The following AGPS variants were observed in gnomAD, a reference collection of about 807,000 sequenced individuals.
AGPS encodes the protein alkylglycerone phosphate synthase, also known as alkyldihydroxyacetonephosphate synthase, peroxisomal.
A neutral mutation model predicts 90.7 loss-of-function variants in AGPS; 26 were observed. That is an observed-to-expected ratio of 0.29 (90% CI 0.21 to 0.40). The LOEUF (loss-of-function observed/expected upper bound fraction) is 0.40. Among genes scored for constraint, AGPS ranks in the 10% least tolerant of loss-of-function variants. AGPS has a pLI of 1.00. For missense variants in AGPS, 540 were observed against 816.1 expected (o/e 0.66, Z 4.12); for synonymous variants, 294 against 285.3 (o/e 1.03, Z -0.31).
chr2:177,430,573 C>G (rs1686212905), intron 2 of AGPS, among the ~76,000 whole-genome samples: 1 of 152,066 alleles, frequency 6.6e-6, no homozygotes, highest in Non-Finnish European at 1.5e-5. Context: ...TGCACAATCT[C>G]TCACTGCTCT....
At chr2:177,417,901 A>G (rs1574351494) in intron 1 of AGPS, among the ~76,000 whole-genome samples, 1 of 152,334 alleles carries the variant, frequency 6.6e-6, no homozygotes, top group Middle Eastern at 3.4e-3. Flanking sequence ...ATGGGGTTAG[A>G]ATATGTGTAC....
At chr2:177,504,906 C>G (rs954347457) in intron 14 of AGPS, among the ~76,000 whole-genome samples, 8 of 152,010 alleles carry the variant, frequency 5.3e-5, no homozygotes, top group African/African-American at 1.9e-4. Context: ...TTAATTCTAA[C>G]TAGATCATCA....
chr2:177,422,489 T>C (rs1410824910), intron 2 of AGPS, among the ~76,000 whole-genome samples: 1 of 152,054 alleles, frequency 6.6e-6, no homozygotes, highest in Non-Finnish European at 1.5e-5. Flanking sequence ...TAAGTCAGAG[T>C]CCAGTGGGGG....
At chr2:177,430,472 C>G (rs1453828666) in intron 2 of AGPS, among the ~76,000 whole-genome samples, 1 of 152,128 alleles carries the variant, frequency 6.6e-6, no homozygotes, top group Non-Finnish European at 1.5e-5. Context: ...GTATTGAACC[C>G]AAGGCCCTGG....
chr2:177,520,348 C>A (rs1689141905), intron 17 of AGPS, among the ~76,000 whole-genome samples: 2 of 152,196 alleles, frequency 1.3e-5, no homozygotes, highest in Non-Finnish European at 2.9e-5. Flanking sequence ...CATTCTCTAT[C>A]AATATGGATT....
At chr2:177,483,728 GA>G (rs1688013827) in intron 11 of AGPS, among the ~76,000 whole-genome samples, 1 of 152,086 alleles carries the variant, frequency 6.6e-6, no homozygotes, top group South Asian at 2.1e-4. Context: ...CTAAAATGAC[GA>G]GGTGGCAATA....
At chr2:177,494,267 C>T (rs993351625) in intron 12 of AGPS, among the ~76,000 whole-genome samples, 11 of 152,056 alleles carry the variant, frequency 7.2e-5, no homozygotes, top group Non-Finnish European at 1.0e-4. Flanking sequence ...AAGTCAGGTT[C>T]GTAACATATT....
chr2:177,484,418 G>A (rs1316186513), intron 11 of AGPS, among the ~76,000 whole-genome samples: 4 of 150,072 alleles, frequency 2.7e-5, no homozygotes, highest in East Asian at 2.0e-4. Context: ...ATCTCGATGC[G>A]CTGCAACCTC....
chr2:177,439,317 G>A (rs987597966), intron 5 of AGPS, among the ~76,000 whole-genome samples: 12 of 152,130 alleles, frequency 7.9e-5, no homozygotes, highest in Non-Finnish European at 8.8e-5. Flanking sequence ...GTGCTGTAAA[G>A]AAAAGAAAAG....
chr2:177,482,289 C>A, intron 11 of AGPS, 103 bp downstream of exon 11: 1 of 629,812 alleles, frequency 1.6e-6, no homozygotes, highest in Non-Finnish European at 2.5e-6. Context: ...TACAACTAAT[C>A]TTCATTTTTA....
intron 1 of AGPS, among the ~76,000 whole-genome samples, chr2:177,396,075 A>G (rs951999487): frequency 3.1e-4 from 29 of 92,176 alleles, no homozygotes; most frequent in African/African-American, 1.2e-3. Context: ...GACTTACTCT[A>G]TATGGGGGTG....
In AGPS at chr2:177,540,355, T is replaced by G. The variant is rs1190573706; in HGVS notation, c.*2160T>G. 1 of 152,054 alleles carries G rather than the reference T, an allele frequency of 6.6e-6. No individual in the cohort carries two copies. The highest frequency in any genetic ancestry group is 2.4e-5 in the African/African-American group (1 of 41,418). 9.4% of individuals were successfully genotyped at this position (152,054 alleles called of 1,614,324 possible). A position where few individuals can be genotyped will look rare whatever the true frequency, so the allele number is the denominator to read the frequency against. On this transcript the variant is annotated 3_prime_UTR_variant, in exon 20 of 20. Transcript: ENST00000264167. ...ATGCAGGACTCCCCAACCTTGATTT[T>G]ATAATGGTGACTGCATTTTGTAGGT...
chr2:177,486,364 A>G (rs1182255251), intron 11 of AGPS, among the ~76,000 whole-genome samples: 13 of 152,320 alleles, frequency 8.5e-5, no homozygotes, highest in Non-Finnish European at 8.8e-5. Context: ...TGTAGAACAT[A>G]CAAGTCTCAT....
intron 8 of AGPS, among the ~76,000 whole-genome samples, chr2:177,453,690 ATTTTTTTTTTT>A (rs11401105): frequency 2.2e-5 from 2 of 90,520 alleles, no homozygotes; most frequent in Non-Finnish European, 4.0e-5. Context: ...ATCAGTAGTA[ATTTTTTTTTTT>A]TTTTTTTTTT....
At chr2:177,481,626 T>C (rs968410957) in intron 10 of AGPS, among the ~76,000 whole-genome samples, 1 of 152,010 alleles carries the variant, frequency 6.6e-6, no homozygotes, top group Non-Finnish European at 1.5e-5. Flanking sequence ...TAGATTCTCA[T>C]TGAAGGTTAG....
intron 5 of AGPS, 149 bp from the exon 6 acceptor site, chr2:177,440,816 G>A (rs1178088804): frequency 1.9e-5 from 12 of 625,896 alleles, no homozygotes; most frequent in South Asian, 2.0e-5. Context: ...AAAAGGTAAA[G>A]TGTTTTAGTA....
chr2:177,452,227 T>C (rs1686972029), intron 8 of AGPS, among the ~76,000 whole-genome samples: 1 of 152,310 alleles, frequency 6.6e-6, no homozygotes, highest in East Asian at 1.9e-4. Flanking sequence ...TCAGGTCTCT[T>C]ATATTTTTTA....
At chr2:177,427,023 T>TTGGTTGGCAGG (rs1229350641) in intron 2 of AGPS, among the ~76,000 whole-genome samples, 16 of 152,036 alleles carry the variant, frequency 1.1e-4, no homozygotes, top group Non-Finnish European at 1.8e-4. Context: ...GCTATTACTG[T>TTGGTTGGCAGG]CTCATTTTCA....
chr2:177,492,773 G>A (rs1474721434), intron 11 of AGPS, among the ~76,000 whole-genome samples: 2 of 152,150 alleles, frequency 1.3e-5, no homozygotes, highest in Admixed American at 6.5e-5. Context: ...TAATACTTGA[G>A]GCACTGGATT....
Sources: gnomAD v4.1 joint callset for allele counts (sites outside exome capture counted in the v4.1 genomes callset) on GRCh38, gnomAD v4.1.1 for gene constraint, MANE v1.5 for transcripts, NCBI Gene and HGNC (gene_info 2026-07-23, HGNC 2026-07-21) for gene names.